Variants in PTPRN2 observed in about 807,000 individuals in gnomAD.
PTPRN2 encodes protein tyrosine phosphatase receptor type N2, also known as receptor-type tyrosine-protein phosphatase N2.
PTPRN2 carries 74 observed loss-of-function variants against 118.8 expected under a neutral mutation model. The ratio of observed to expected loss-of-function variants is 0.62; its 90% CI spans 0.52 to 0.76. The LOEUF (loss-of-function observed/expected upper bound fraction) is 0.76, where lower values mean the gene tolerates loss of function less well. PTPRN2 is among the 30% of genes least tolerant of loss of function. The pLI is 0.00. For synonymous variants in PTPRN2, 641 were observed against 608.0 expected, an observed-to-expected ratio of 1.05 and a Z score of -0.80; for missense variants, 1,481 against 1,394.4, an observed-to-expected ratio of 1.06 and a Z score of -0.99.
intron 12 of PTPRN2, among the ~76,000 whole-genome samples, chr7:157,889,131 C>T (rs998259793): frequency 2.0e-5 from 3 of 152,064 alleles, no homozygotes; most frequent in African/African-American, 7.2e-5. Flanking sequence ...AAATAAAGTC[C>T]AAAGCCCCAA....
At chr7:158,152,343 G>A (rs1585654254) in intron 6 of PTPRN2, among the ~76,000 whole-genome samples, 1 of 152,292 alleles carries the variant, frequency 6.6e-6, no homozygotes, top group East Asian at 1.9e-4. Flanking sequence ...GCCTGAGGGA[G>A]GTGAGCATGG....
chr7:157,782,877 T>C (rs1366660927), intron 12 of PTPRN2, among the ~76,000 whole-genome samples: 1 of 152,216 alleles, frequency 6.6e-6, no homozygotes. Context: ...TCGGGGAGCC[T>C]TGAGTGCACT....
At chr7:158,347,503 T>A (rs1370170772) in intron 2 of PTPRN2, among the ~76,000 whole-genome samples, 1 of 152,226 alleles carries the variant, frequency 6.6e-6, no homozygotes, top group Non-Finnish European at 1.5e-5. Flanking sequence ...TTGGTTATTA[T>A]AGTTTCATAG....
At chr7:158,462,208 G>A (rs919210298) in intron 2 of PTPRN2, among the ~76,000 whole-genome samples, 12 of 152,202 alleles carry the variant, frequency 7.9e-5, no homozygotes, top group Admixed American at 6.5e-4. Flanking sequence ...CTTTCTGGAG[G>A]AGTTTGGGTG....
chr7:158,361,963 CT>C (rs1809017887), intron 2 of PTPRN2, among the ~76,000 whole-genome samples: 1 of 152,194 alleles, frequency 6.6e-6, no homozygotes, highest in Non-Finnish European at 1.5e-5. Flanking sequence ...CGCTTCTCTC[CT>C]CCCTTCGTTT....
At chr7:157,998,047 G>T (rs1016736608) in intron 11 of PTPRN2, among the ~76,000 whole-genome samples, 2 of 78,208 alleles carry the variant, frequency 2.6e-5, no homozygotes, top group East Asian at 4.9e-4. Flanking sequence ...AGTGCAGGGT[G>T]GGGGGAGAGG....
rs187869434 is a variant in PTPRN2, at chr7:158,363,887, T to C, written c.164-46955A>G. ...GTCTCTGGTGTTGATCACAGTGGAC[T>C]AGAATATGACAGAAAAGGGGACTTC... On this transcript the variant is annotated intron_variant, in intron 2 of 22. Coordinates refer to ENST00000389418, the MANE Select transcript of PTPRN2 (RefSeq NM_002847.5). 3.7e-4 allele frequency among the ~76,000 whole-genome samples: 57 copies of C among 152,158 alleles called. 1 individual carries two copies. In the East Asian group the frequency reaches 0.01, roughly 28 times the overall value.
At chr7:158,278,260 G>A (rs1799166438) in intron 3 of PTPRN2, among the ~76,000 whole-genome samples, 1 of 152,028 alleles carries the variant, frequency 6.6e-6, no homozygotes, top group African/African-American at 2.4e-5. Context: ...ACCTGCCAGG[G>A]GACCTCTGAC....
intron 2 of PTPRN2, among the ~76,000 whole-genome samples, chr7:158,413,654 G>A (rs1814390681): frequency 6.6e-6 from 1 of 152,254 alleles, no homozygotes; most frequent in Non-Finnish European, 1.5e-5. Context: ...CTCCCGGGAG[G>A]ACTAACAGTG....
rs533215766 is a variant in PTPRN2 at position 158,298,843 on chromosome 7, A to G, written c.277+17976T>C. On this transcript the variant is annotated intron_variant, in intron 3 of 22. Transcript: ENST00000389418. ...CTCCCACCTTCAAAAAAGTAAAAACAGCACAGCCCAGACCCAGGGGTAAAA... is the reference window on the plus strand; with the variant it reads ...CTCCCACCTTCAAAAAAGTAAAAACGGCACAGCCCAGACCCAGGGGTAAAA... 2.0e-5 allele frequency among the ~76,000 whole-genome samples: 3 copies of G among 152,312 alleles called. No individual in the cohort carries two copies. In the East Asian group the frequency reaches 5.8e-4, roughly 29 times the overall value.
intron 11 of PTPRN2, among the ~76,000 whole-genome samples, chr7:158,064,455 G>A (rs1404105948): frequency 6.6e-6 from 1 of 152,142 alleles, no homozygotes; most frequent in Non-Finnish European, 1.5e-5. Flanking sequence ...CAGCCATGGG[G>A]GAGCCGGGGG....
At chr7:157,937,668 A>G (rs185595412) in intron 11 of PTPRN2, among the ~76,000 whole-genome samples, 105 of 152,168 alleles carry the variant, frequency 6.9e-4, no homozygotes, top group Non-Finnish European at 1.3e-3. Context: ...AGCTGCTGAG[A>G]GCGGGTGCGG....
At chr7:158,521,670 GA>G (rs1824060859) in intron 1 of PTPRN2, among the ~76,000 whole-genome samples, 1 of 98,110 alleles carries the variant, frequency 1.0e-5, no homozygotes, top group Non-Finnish European at 2.0e-5. Context: ...GCTGGCTCGG[GA>G]GGGAGGTCCA....
chr7:157,653,330 T>C (rs1364490104), intron 14 of PTPRN2, among the ~76,000 whole-genome samples: 1 of 152,060 alleles, frequency 6.6e-6, no homozygotes, highest in Non-Finnish European at 1.5e-5. Context: ...TGAGGGGCAC[T>C]GAGGTGGCCG....
intron 11 of PTPRN2, among the ~76,000 whole-genome samples, chr7:157,943,224 C>T (rs111253819): frequency 0.021 from 3,184 of 152,240 alleles, 112 homozygotes; most frequent in African/African-American, 0.072. Context: ...CCTGGGGAAG[C>T]GATGCAGAAT....
intron 13 of PTPRN2, among the ~76,000 whole-genome samples, chr7:157,673,945 C>G (rs1796536538): frequency 6.6e-6 from 1 of 152,200 alleles, no homozygotes; most frequent in African/African-American, 2.4e-5. Context: ...CTCTGCTGTC[C>G]CCGTTGTTCC....
intron 1 of PTPRN2, among the ~76,000 whole-genome samples, chr7:158,554,053 A>G (rs1826827564): frequency 6.6e-6 from 1 of 152,138 alleles, no homozygotes; most frequent in African/African-American, 2.4e-5. Context: ...GTCTACACAC[A>G]CACAGGCTTG....
At chr7:157,576,981 T>C (rs1204255801) in intron 18 of PTPRN2, among the ~76,000 whole-genome samples, 5 of 152,226 alleles carry the variant, frequency 3.3e-5, no homozygotes, top group Non-Finnish European at 7.3e-5. Flanking sequence ...GTTAGCTCCG[T>C]GCGGGTGTGT....
chr7:158,469,744 A>G (rs1157452983), intron 2 of PTPRN2, among the ~76,000 whole-genome samples: 1 of 152,136 alleles, frequency 6.6e-6, no homozygotes, highest in Non-Finnish European at 1.5e-5. Flanking sequence ...CCAAAAAAAA[A>G]AAAAAAAAAA....
Sources: gnomAD v4.1 joint callset for allele counts (sites outside exome capture counted in the v4.1 genomes callset) on GRCh38, gnomAD v4.1.1 for gene constraint, MANE v1.5 for transcripts, NCBI Gene and HGNC (gene_info 2026-07-23, HGNC 2026-07-21) for gene names.